The following BLTP3B variants were observed in gnomAD, a reference collection of about 807,000 sequenced individuals.
The protein encoded by BLTP3B is bridge-like lipid transfer protein family member 3B.
the BLTP3B span, chr12:100,057,585 A>T: frequency 6.2e-7 from 1 of 1,607,398 alleles, no homozygotes. Context: ...TTCCAAAAAC[A>T]TATGGCTATC....
the BLTP3B span, among the ~76,000 whole-genome samples, chr12:100,107,701 C>T: frequency 6.6e-6 from 1 of 152,008 alleles, no homozygotes; most frequent in African/African-American, 2.4e-5. Flanking sequence ...TTTATTAGTT[C>T]TCATGTCTTC....
chr12:100,083,200 T>C, the BLTP3B span: 400 of 1,123,400 alleles, frequency 3.6e-4, 1 homozygote, highest in Non-Finnish European at 5.1e-4. Flanking sequence ...TCTTTTATTA[T>C]TAAGGCAGGT....
the BLTP3B span, among the ~76,000 whole-genome samples, chr12:100,072,501 G>A: frequency 6.6e-6 from 1 of 152,152 alleles, no homozygotes; most frequent in East Asian, 1.9e-4. Flanking sequence ...GAGCCTAGGA[G>A]TTTGAGATCA....
chr12:100,104,171 A>T, the BLTP3B span, among the ~76,000 whole-genome samples: 1 of 149,916 alleles, frequency 6.7e-6, no homozygotes, highest in African/African-American at 2.5e-5. Context: ...CTCCTCAGAC[A>T]TCTTTTGAAT....
chr12:100,115,747 G>C, the BLTP3B span, among the ~76,000 whole-genome samples: 1 of 151,680 alleles, frequency 6.6e-6, no homozygotes, highest in Non-Finnish European at 1.5e-5. Context: ...TGGTGACAGA[G>C]TGAGATCCTG....
At chr12:100,116,661 T>A in the BLTP3B span, among the ~76,000 whole-genome samples, 2 of 152,230 alleles carry the variant, frequency 1.3e-5, no homozygotes, top group African/African-American at 4.8e-5. Flanking sequence ...AGACTAAAAT[T>A]GCTTTTCCCC....
the BLTP3B span, among the ~76,000 whole-genome samples, chr12:100,043,169 A>G: frequency 6.6e-6 from 1 of 152,242 alleles, no homozygotes; most frequent in Non-Finnish European, 1.5e-5. Context: ...CATGACTTTC[A>G]TATGCACTGG....
chr12:100,138,080 T>C, the BLTP3B span, among the ~76,000 whole-genome samples: 138 of 152,288 alleles, frequency 9.1e-4, no homozygotes, highest in African/African-American at 3.1e-3. Context: ...TATGAGACAT[T>C]TGGCAATGTC....
the BLTP3B span, chr12:100,098,268 C>A: frequency 7.1e-7 from 1 of 1,408,412 alleles, no homozygotes; most frequent in Non-Finnish European, 9.5e-7. Context: ...AGTTAAAAGG[C>A]AACCATGAGA....
At chr12:100,111,277 A>ATTTTTTTTTTTTTTTTTTTT in the BLTP3B span, among the ~76,000 whole-genome samples, 1 of 94,748 alleles carries the variant, frequency 1.1e-5, no homozygotes, top group Non-Finnish European at 2.1e-5. Flanking sequence ...GGGGTTTTAG[A>ATTTTTTTTTTTTTTTTTTTT]TTTTTTTTTT....
chr12:100,132,011 C>T, the BLTP3B span, among the ~76,000 whole-genome samples: 2 of 152,134 alleles, frequency 1.3e-5, no homozygotes, highest in African/African-American at 4.8e-5. Context: ...AGGCTGGTCT[C>T]GAACTCCTGA....
the BLTP3B span, among the ~76,000 whole-genome samples, chr12:100,114,511 C>A: frequency 8.1e-4 from 123 of 152,262 alleles, no homozygotes; most frequent in East Asian, 3.3e-3. Context: ...GACTGTGTGT[C>A]CCTACAAGGA....
chr12:100,053,422 T>A, the BLTP3B span, among the ~76,000 whole-genome samples: 4 of 151,982 alleles, frequency 2.6e-5, no homozygotes, highest in Admixed American at 6.6e-5. Flanking sequence ...ATATATATAT[T>A]TTTTGGCTAC....
chr12:100,114,507 G>A, the BLTP3B span, among the ~76,000 whole-genome samples: 1 of 152,156 alleles, frequency 6.6e-6, no homozygotes, highest in African/African-American at 2.4e-5. Flanking sequence ...CCAAGACTGT[G>A]TGTCCCTACA....
chr12:100,060,134 T>TC, the BLTP3B span: 1 of 1,047,630 alleles, frequency 9.5e-7, no homozygotes, highest in Non-Finnish European at 1.3e-6. Flanking sequence ...TCAGTTTTAT[T>TC]CTTTCTTAAG....
the BLTP3B span, chr12:100,047,425 G>A: frequency 8.9e-5 from 69 of 774,140 alleles, no homozygotes; most frequent in East Asian, 1.8e-3. Context: ...TCGAACCAGG[G>A]AGGCAGAGGT....
the BLTP3B span, among the ~76,000 whole-genome samples, chr12:100,110,573 T>A: frequency 2.6e-5 from 4 of 152,088 alleles, no homozygotes; most frequent in Non-Finnish European, 5.9e-5. Flanking sequence ...CCTGCCCTTG[T>A]GGAGTTTTCA....
At chr12:100,087,320 A>C in the BLTP3B span, among the ~76,000 whole-genome samples, 1 of 152,058 alleles carries the variant, frequency 6.6e-6, no homozygotes, top group Non-Finnish European at 1.5e-5. Flanking sequence ...ATCAATCAGA[A>C]GAAAGAAAAA....
chr12:100,082,835 G>A, the BLTP3B span, among the ~76,000 whole-genome samples: 1 of 152,110 alleles, frequency 6.6e-6, no homozygotes, highest in African/African-American at 2.4e-5. Flanking sequence ...AGTTAGTTTG[G>A]TTAACTGAGT....
Sources: allele counts gnomAD v4.1 joint callset (sites outside exome capture counted in the v4.1 genomes callset), GRCh38; gene constraint gnomAD v4.1.1; transcripts MANE v1.5; gene names NCBI Gene and HGNC (gene_info 2026-07-23, HGNC 2026-07-21).